ASIC3: variants seen among roughly 807,000 people sequenced by gnomAD.
ASIC3 encodes the protein acid-sensing ion channel 3.
A neutral mutation model predicts 58.6 loss-of-function variants in ASIC3; 46 were observed. The ratio of observed to expected loss-of-function variants is 0.79; its 90% confidence interval spans 0.62 to 1.00. The LOEUF is 1.00. Ranked by LOEUF, ASIC3 falls within the 50% of genes least tolerant of loss-of-function variation. The pLI is 0.00. For synonymous variants in ASIC3, 336 were observed against 300.2 expected, an observed-to-expected ratio of 1.12 and a Z score of -1.23; for missense variants, 770 against 735.0, an observed-to-expected ratio of 1.05 and a Z score of -0.55.
At chr7:151,049,477 C>T (rs1239039232) in intron 1 of ASIC3, 58 bp downstream of exon 1, 2 of 1,513,466 alleles carry the variant, frequency 1.3e-6, no homozygotes, top group Non-Finnish European at 1.8e-6. Context: ...CAGTCCCTGC[C>T]CAGCACCCAC....
chr7:151,048,627 T>G lies in ASIC3; in HGVS notation c.-259T>G. On this transcript the variant is annotated 5_prime_UTR_variant, in exon 1 of 11. Transcript: ENST00000349064. ...ACGTCCCACCTGGTCTGCTGCGGAGTCCCCAGCCCAGTGCCTAGCCCAGTG... is the reference window on the plus strand; with the variant it reads ...ACGTCCCACCTGGTCTGCTGCGGAGGCCCCAGCCCAGTGCCTAGCCCAGTG... The G allele has an allele frequency of 2.1e-6, 1 of 465,964 alleles. No individual in the cohort carries two copies. The highest frequency in any genetic ancestry group is 3.8e-6 in the Non-Finnish European group (1 of 265,220). 28.9% of individuals were successfully genotyped at this position (465,964 alleles called of 1,614,324 possible). A position where few individuals can be genotyped will look rare whatever the true frequency, so the allele number is the denominator to read the frequency against.
At chr7:151,050,011 A>G (rs879487718) in intron 1 of ASIC3, 95 bp from the exon 2 acceptor site, 83 of 1,545,298 alleles carry the variant, frequency 5.4e-5, no homozygotes, top group Non-Finnish European at 7.2e-5. Context: ...TCAGTATTCA[A>G]AGAAGAGACG....
At position 151,049,101 on chromosome 7, in the gene ASIC3, C is replaced by T. The variant is rs770361715; in HGVS notation, c.216C>T (p.His72=). The part of the protein sequence containing the change: ...ERVRYYREFH[H]QTALDERESH... Reference sequence around the variant, plus strand: ...TGCGCTACTACAGGGAGTTCCACCACCAGACTGCCCTGGATGAGCGAGAAA... The same window carrying T: ...TGCGCTACTACAGGGAGTTCCACCATCAGACTGCCCTGGATGAGCGAGAAA... Residue 72 remains histidine, a synonymous_variant, in exon 1 of 11, where the codon CAC becomes CAT. Transcript: ENST00000349064. The T allele has an allele frequency of 2.8e-5, 45 of 1,613,800 alleles. No homozygotes were observed. The highest frequency in any genetic ancestry group is 8.3e-5 in the Admixed American group (5 of 60,010).
At position 151,049,290 on chromosome 7, in the gene ASIC3, G is replaced by A. The variant is rs141877615; in HGVS notation, c.405G>A (p.Pro135=). 79 of 1,612,504 alleles carry A rather than the reference G, an allele frequency of 4.9e-5. No homozygotes were observed. Among genetic ancestry groups the A allele is most frequent in the South Asian group, 4.2e-4 (38 of 91,078 alleles). Residue 135 remains proline, a synonymous_variant, in exon 1 of 11, where the codon CCG becomes CCA. Coordinates refer to ENST00000349064, the MANE Select transcript of ASIC3 (RefSeq NM_004769.4). The part of the protein sequence containing the change: ...FLRALGRPPA[P]PGFMPSPTFD... The stretch of plus-strand genomic sequence containing the variant: ...GCGCCCTGGGCCGGCCCCCTGCACC[G>A]CCCGGCTTCATGCCCAGTCCCACCT...
Position 151,048,656 on chromosome 7 carries a change from C to A in ASIC3, c.-230C>A, listed in dbSNP as rs745381393. ...CAGCCCAGTGCCTAGCCCAGTGGAG[C>A]CACCGCCTGTTCCTCGGGAAGGAAC... On this transcript the variant is annotated 5_prime_UTR_variant, in exon 1 of 11. Coordinates refer to ENST00000349064, the MANE Select transcript of ASIC3 (RefSeq NM_004769.4). 14 of 550,486 alleles carry A rather than the reference C, an allele frequency of 2.5e-5. No homozygotes were observed. The highest frequency in any genetic ancestry group is 4.1e-5 in the Non-Finnish European group (13 of 314,288). 34.1% of individuals were successfully genotyped at this position (550,486 alleles called of 1,614,324 possible).
Position 151,049,267 on chromosome 7 carries a change from G to A in ASIC3, c.382G>A (p.Ala128Thr), listed in dbSNP as rs187345635. The change falls in exon 1 of 11, where the codon GCC becomes ACC. Residue 128 changes from alanine to threonine, a missense_variant. Transcript: ENST00000349064. ...CGCAGAGCACGCCGCCTTCCTGCGC[G>A]CCCTGGGCCGGCCCCCTGCACCGCC... Reference protein sequence around the residue: ...DPAEHAAFLRALGRPPAPPGF... With the variant: ...DPAEHAAFLRTLGRPPAPPGF... The A allele has an allele frequency of 1.8e-5, 29 of 1,612,166 alleles. No homozygotes were observed. The highest frequency in any genetic ancestry group is 5.0e-5 in the Admixed American group (3 of 59,992).
intron 2 of ASIC3, 45 bp downstream of exon 2, chr7:151,050,301 G>C (rs1375930578): frequency 1.9e-6 from 3 of 1,593,348 alleles, no homozygotes; most frequent in Non-Finnish European, 2.6e-6. Context: ...CGGATGGAGT[G>C]CAAAAGGCTA....
chr7:151,051,694 C>G (rs1168498684), intron 6 of ASIC3, 116 bp from the exon 7 acceptor site: 2 of 1,076,388 alleles, frequency 1.9e-6, no homozygotes, highest in Non-Finnish European at 2.8e-6. Flanking sequence ...TGTGAGCCAC[C>G]GTGCCCGGCC....
chr7:151,052,318 C>G lies in ASIC3; in HGVS notation c.1458+81C>G. ...CTGAAGCCTAGACCACCATCCCGCC[C>G]CAGCTGAGGAGAAACAGGCAGGAGG... On this transcript the variant is annotated intron_variant, in intron 9 of 10. Transcript: ENST00000349064. The surrounding 1 kb of genome is among the most constrained non-coding windows in gnomAD (Gnocchi z 5.0). 1 of 1,612,580 alleles carries G rather than the reference C, an allele frequency of 6.2e-7. No homozygotes were observed.
chr7:151,048,960 G>T lies in ASIC3; in HGVS notation c.75G>T (p.Ser25=). ...TCCGCGTGTTCGCCAGCAACTGCTC[G>T]ATGCACGGGCTGGGCCACGTCTTCG... is the stretch of plus-strand genomic sequence containing the variant. The part of the protein sequence containing the change: ...SDIRVFASNC[S]MHGLGHVFGP... The change falls in exon 1 of 11, where the codon TCG becomes TCT. Residue 25 remains serine (S), a synonymous_variant. Transcript: ENST00000349064. 1 of 1,596,868 alleles carries T rather than the reference G, an allele frequency of 6.3e-7. No homozygotes were observed. The highest frequency in any genetic ancestry group is 8.6e-7 in the Non-Finnish European group (1 of 1,167,740).
In ASIC3 at chr7:151,050,847, C is replaced by A; in HGVS notation, c.903C>A (p.Ser301=). Residue 301 remains serine, a synonymous_variant, in exon 4 of 11, where the codon TCC becomes TCA. Transcript: ENST00000349064. ...CAGAGCCCTCTGATCCCCTAGGCTC[C>A]CCCAGCCCCAGCCCCAGCCCTCCCT... ...YEPEPSDPLG[S]PSPSPSPPYT... 1 of 1,606,366 alleles carries A rather than the reference C, an allele frequency of 6.2e-7. No homozygotes were observed. Among genetic ancestry groups the A allele is most frequent in the Non-Finnish European group, 8.5e-7 (1 of 1,179,390 alleles).
Position 151,049,165 on chromosome 7 carries a change from A to G in ASIC3, c.280A>G (p.Ile94Val). The part of the protein sequence containing the change: ...LIFPAVTLCN[I>V]NPLRRSRLTP... Reference sequence around the variant, plus strand: ...CTTCCCGGCTGTCACCCTGTGCAACATCAACCCACTGCGCCGCTCGCGCCT... The same window carrying G: ...CTTCCCGGCTGTCACCCTGTGCAACGTCAACCCACTGCGCCGCTCGCGCCT... Residue 94 changes from isoleucine to valine, a missense_variant, in exon 1 of 11, where the codon ATC (isoleucine) becomes GTC (valine). Ile to Val is a conservative substitution (Grantham distance 29). Transcript: ENST00000349064. 2 of 1,613,814 alleles carry G rather than the reference A, an allele frequency of 1.2e-6. No homozygotes were observed. Among genetic ancestry groups the G allele is most frequent in the South Asian group, 1.1e-5 (1 of 91,088 alleles).
chr7:151,050,665 T>C (rs1796746560), intron 3 of ASIC3, 57 bp downstream of exon 3: 2 of 1,609,858 alleles, frequency 1.2e-6, no homozygotes, highest in African/African-American at 2.7e-5. Context: ...CCTCAGACCC[T>C]AAACCCTCAG....
chr7:151,051,123 T>TCCGCC (rs1445468702), intron 5 of ASIC3, 28 bp downstream of exon 5: 2 of 1,599,524 alleles, frequency 1.3e-6, no homozygotes, highest in Non-Finnish European at 1.7e-6. Flanking sequence ...CCACCTCCCG[T>TCCGCC]CCGCCCCGCT....
chr7:151,052,137 T>C lies in ASIC3; in HGVS notation c.1387-29T>C. 6.2e-7 allele frequency: 1 copy of C among 1,613,908 alleles called. No homozygotes were observed. The highest frequency in any genetic ancestry group is 8.5e-7 in the Non-Finnish European group (1 of 1,179,940). ...CTAGGATGAGGGGGAAGGTGTGCACTGGCCACCTCCCATCCTGCTTGCCTC... is the reference window on the plus strand; with the variant it reads ...CTAGGATGAGGGGGAAGGTGTGCACCGGCCACCTCCCATCCTGCTTGCCTC... On this transcript the variant is annotated intron_variant, in intron 8 of 10. Coordinates refer to ENST00000349064, the MANE Select transcript of ASIC3 (RefSeq NM_004769.4). This position sits in a 1 kb window ranked among gnomAD's most constrained non-coding sequence, Gnocchi z 5.0.
chr7:151,051,046 GCCAGTGTGCAGCCC>G lies in ASIC3; in HGVS notation c.1022_1035del (p.Val341AlafsTer71). 6.2e-7 allele frequency: 1 copy of G among 1,613,266 alleles called. No homozygotes were observed. The highest frequency in any genetic ancestry group is 1.1e-5 in the South Asian group (1 of 91,082). On this transcript the variant is annotated frameshift_variant, in exon 5 of 11. Coordinates refer to ENST00000349064, the MANE Select transcript of ASIC3 (RefSeq NM_004769.4). LOFTEE classifies it high-confidence loss of function. ...TCTCCCCGGTACCCGCAGGCGACGTGCCAGTGTGCAGCCCCCAGCAGTACAAGAACTGTGCCCAC... is the reference window on the plus strand; with the variant it reads ...TCTCCCCGGTACCCGCAGGCGACGTGCCAGCAGTACAAGAACTGTGCCCAC...
rs1796704688 is a variant in ASIC3 at position 151,049,246 on chromosome 7, G to A, written c.361G>A (p.Glu121Lys). ...GSALLGLDPA[E>K]HAAFLRALGR... ...TGCGCTGCTGGGCCTGGATCCCGCA[G>A]AGCACGCCGCCTTCCTGCGCGCCCT... The change falls in exon 1 of 11, where the codon GAG (glutamate) becomes AAG (lysine). Residue 121 changes from glutamate (E) to lysine (K), a missense_variant. Coordinates refer to ENST00000349064, the MANE Select transcript of ASIC3 (RefSeq NM_004769.4). 1.9e-6 allele frequency: 3 copies of A among 1,612,058 alleles called. No homozygotes were observed. The highest frequency in any genetic ancestry group is 1.7e-5 in the Admixed American group (1 of 59,946).
rs1796794201 is a variant in ASIC3 at position 151,051,990 on chromosome 7, T to C, written c.1314T>C (p.Ile438=). The stretch of plus-strand genomic sequence containing the variant: ...GTGACCCTGTCTCCACAGGTGACAT[T>C]GGGGGCCAGATGGGGCTGTTCATCG... ...AYEMSELLGD[I]GGQMGLFIGA... is the part of the protein sequence containing the mutation. Residue 438 remains isoleucine (I), a synonymous_variant, in exon 8 of 11, where the codon ATT becomes ATC. Transcript: ENST00000349064. The C allele has an allele frequency of 6.2e-7, 1 of 1,612,498 alleles. No individual in the cohort carries two copies. Among genetic ancestry groups the C allele is most frequent in the Middle Eastern group, 1.6e-4 (1 of 6,062 alleles).
rs1356572170 is a variant in ASIC3, at chr7:151,050,804, T to G, written c.860T>G (p.Leu287Arg). 4 of 1,613,724 alleles carry G rather than the reference T, an allele frequency of 2.5e-6. No individual in the cohort carries two copies. Among genetic ancestry groups the G allele is most frequent in the Non-Finnish European group, 3.4e-6 (4 of 1,179,900 alleles). ...PPWGDCSSAS[L>R]NPNYEPEPSD... Reference sequence around the variant, plus strand: ...TGGGGCGATTGCAGTTCAGCATCTCTGAACCCCAACTATGAGCCAGAGCCC... The same window carrying G: ...TGGGGCGATTGCAGTTCAGCATCTCGGAACCCCAACTATGAGCCAGAGCCC... The change falls in exon 4 of 11, where the codon CTG becomes CGG. Residue 287 changes from leucine (L) to arginine (R), a missense_variant. By Grantham distance (102) the Leu-to-Arg change is moderately radical. Transcript: ENST00000349064.
Sources: gnomAD v4.1 joint callset for allele counts on GRCh38, gnomAD v4.1.1 for gene constraint, Gnocchi (gnomAD v3.1) non-coding constraint, MANE v1.5 for transcripts, NCBI Gene and HGNC (gene_info 2026-07-23, HGNC 2026-07-21) for gene names.